BRD4: variants seen among roughly 807,000 people sequenced by gnomAD.
The protein encoded by BRD4 is bromodomain-containing protein 4.
BRD4 carries 16 observed loss-of-function variants against 142.1 expected under a neutral mutation model. The ratio of observed to expected loss-of-function variants is 0.11; its 90% CI spans 0.08 to 0.17. The LOEUF is 0.17. Ranked by LOEUF, BRD4 falls within the 10% of genes least tolerant of loss-of-function variation. The pLI, the probability that BRD4 is intolerant of heterozygous loss-of-function variation, is 1.00. For synonymous variants in BRD4, 833 were observed against 707.5 expected (o/e 1.18, Z -2.82); for missense variants, 1,424 against 1,810.9 (o/e 0.79, Z 3.88).
intron 11 of BRD4, chr19:15,247,523 G>A (rs1331678144): frequency 1.3e-5 from 3 of 233,140 alleles, no homozygotes; most frequent in Admixed American, 1.1e-4. Flanking sequence ...GACCCTGGAG[G>A]AGAGCTGGCT....
At chr19:15,320,071 T>C (rs1196470836) in intron 1 of BRD4, among the ~76,000 whole-genome samples, 2 of 152,188 alleles carry the variant, frequency 1.3e-5, no homozygotes, top group African/African-American at 4.8e-5. Context: ...CCTATGTGCA[T>C]TTTTGTGGAG....
chr19:15,243,720 T>A (rs560493142), intron 13 of BRD4, among the ~76,000 whole-genome samples: 1 of 152,146 alleles, frequency 6.6e-6, no homozygotes, highest in Non-Finnish European at 1.5e-5. Context: ...CCCCAGCTCC[T>A]GCTCCCCATG....
At chr19:15,243,621 AC>A in intron 13 of BRD4, 134 bp from the exon 14 acceptor site, 1 of 1,380,336 alleles carries the variant, frequency 7.2e-7, no homozygotes. Flanking sequence ...CTCCCTCCCC[AC>A]CTACCGTGGC....
rs185649977 is a variant in BRD4 at position 15,293,660 on chromosome 19, C to A, written c.-34-20527G>T. Among the ~76,000 whole-genome samples, 50 of 152,276 alleles carry A rather than the reference C, an allele frequency of 3.3e-4. No individual in the cohort carries two copies. In the East Asian group the frequency reaches 8.5e-3, roughly 26 times the overall value. On this transcript the variant is annotated intron_variant, in intron 1 of 19. Coordinates refer to ENST00000679869, the MANE Select transcript of BRD4 (RefSeq NM_001379291.1). ...TATTTTAAATGTTTATTGTAAAATA[C>A]ACAGAACCTAAAATCCGCCATTTTA...
At chr19:15,242,269 G>A (rs142349441) in intron 14 of BRD4, among the ~76,000 whole-genome samples, 112 of 152,326 alleles carry the variant, frequency 7.4e-4, no homozygotes, top group African/African-American at 2.6e-3. Flanking sequence ...CACATCAGGA[G>A]GCACTGACCA....
intron 1 of BRD4, among the ~76,000 whole-genome samples, chr19:15,309,408 T>G (rs980298904): frequency 6.6e-6 from 1 of 150,876 alleles, no homozygotes; most frequent in Admixed American, 6.6e-5. Context: ...TGCTATCATC[T>G]AAAAGACAAA....
At position 15,239,025 on chromosome 19, in the gene BRD4, A is replaced by G. The variant is rs781690964; in HGVS notation, c.3782+34T>C. ...CAGCCTGGGGACTGGTGTGGCCCCAAGAGTCCCCATGCCCCACCCAGACAC... is the reference window on the plus strand; with the variant it reads ...CAGCCTGGGGACTGGTGTGGCCCCAGGAGTCCCCATGCCCCACCCAGACAC... On this transcript the variant is annotated intron_variant, in intron 18 of 19. Transcript: ENST00000679869. This position sits in a 1 kb window ranked among gnomAD's most constrained non-coding sequence, Gnocchi z 7.4. 11 of 1,579,326 alleles carry G rather than the reference A, an allele frequency of 7.0e-6. 2 individuals are homozygous for G. In the African/African-American group the frequency reaches 9.4e-5, roughly 13 times the overall value.
chr19:15,278,543 C>CAAAAAAAAAAAAAAAAA (rs1235423521), intron 1 of BRD4, among the ~76,000 whole-genome samples: 1 of 74,884 alleles, frequency 1.3e-5, no homozygotes, highest in Non-Finnish European at 2.4e-5. Flanking sequence ...CAACCCCCGC[C>CAAAAAAAAAAAAAAAAA]AAAAAAAAAA....
intron 1 of BRD4, among the ~76,000 whole-genome samples, chr19:15,298,347 C>T (rs945276590): frequency 2.6e-5 from 4 of 152,110 alleles, no homozygotes; most frequent in African/African-American, 9.7e-5. Flanking sequence ...AATATAAAAG[C>T]TTGTGGTTGG....
Position 15,331,086 on chromosome 19 carries a change from G to A in BRD4, c.-35+1204C>T, listed in dbSNP as rs1421045589. On this transcript the variant is annotated intron_variant, in intron 1 of 19. Transcript: ENST00000679869. ...GTCACTAGCATCCAACACACACGCA[G>A]AGAAATGAACCCAAGACCAGACACC... Among the ~76,000 whole-genome samples, 4 of 152,048 alleles carry A rather than the reference G, an allele frequency of 2.6e-5. No homozygotes were observed. The South Asian group carries it at 6.2e-4, about 24-fold the overall frequency.
chr19:15,320,159 A>ATGATCTAGT (rs1175302105), intron 1 of BRD4, among the ~76,000 whole-genome samples: 1 of 152,186 alleles, frequency 6.6e-6, no homozygotes, highest in African/African-American at 2.4e-5. Flanking sequence ...AGAGAGAAGC[A>ATGATCTAGT]GGGTCAGTCC....
At chr19:15,276,084 T>A (rs1310894482) in intron 1 of BRD4, among the ~76,000 whole-genome samples, 2 of 152,326 alleles carry the variant, frequency 1.3e-5, no homozygotes, top group Non-Finnish European at 2.9e-5. Flanking sequence ...GCACCCACTC[T>A]GGGCCTGTGC....
At chr19:15,278,899 T>C (rs1476519257) in intron 1 of BRD4, among the ~76,000 whole-genome samples, 12 of 152,108 alleles carry the variant, frequency 7.9e-5, no homozygotes, top group Admixed American at 4.6e-4. Context: ...TGGAGTGCAA[T>C]AGCGTGATCT....
chr19:15,264,021 A>C (rs1408279278), intron 6 of BRD4: 1 of 247,594 alleles, frequency 4.0e-6, no homozygotes, highest in Non-Finnish European at 7.8e-6. Context: ...CGTGCCTCCA[A>C]CACAGAGGAG....
chr19:15,242,802 T>G, intron 14 of BRD4, 98 bp downstream of exon 14: 2 of 1,521,498 alleles, frequency 1.3e-6, no homozygotes, highest in Non-Finnish European at 8.9e-7. Context: ...CTGAACCCAC[T>G]GCAGCCTGAA....
chr19:15,298,375 C>T (rs964828435), intron 1 of BRD4, among the ~76,000 whole-genome samples: 10 of 152,202 alleles, frequency 6.6e-5, no homozygotes, highest in African/African-American at 2.2e-4. Flanking sequence ...CGGTGGCTCA[C>T]GCCTGTAATC....
chr19:15,316,105 G>A (rs1480809883), intron 1 of BRD4, among the ~76,000 whole-genome samples: 2 of 134,948 alleles, frequency 1.5e-5, no homozygotes, highest in African/African-American at 5.8e-5. Context: ...GCAGTGAGCC[G>A]AGATCGCGCC....
At chr19:15,328,681 T>C (rs2048130648) in intron 1 of BRD4, among the ~76,000 whole-genome samples, 1 of 152,232 alleles carries the variant, frequency 6.6e-6, no homozygotes, top group Admixed American at 6.5e-5. Context: ...TCATTGAGAC[T>C]ATTTAAGGTG....
intron 1 of BRD4, among the ~76,000 whole-genome samples, chr19:15,320,331 G>C (rs2048050820): frequency 1.3e-5 from 2 of 152,124 alleles, no homozygotes; most frequent in South Asian, 4.1e-4. Flanking sequence ...ATGCCAAGCA[G>C]CAGACTACGA....
Sources: gnomAD v4.1 joint callset for allele counts (sites outside exome capture counted in the v4.1 genomes callset) on GRCh38, gnomAD v4.1.1 for gene constraint, Gnocchi (gnomAD v3.1) non-coding constraint, MANE v1.5 for transcripts, NCBI Gene and HGNC (gene_info 2026-07-23, HGNC 2026-07-21) for gene names.